Variants in WWOX observed in about 807,000 individuals in gnomAD.
WWOX encodes WW domain-containing oxidoreductase.
In WWOX, 69 loss-of-function variants were observed where a neutral mutation model predicts 46.2. The observed-to-expected ratio is 1.49, with a 90% CI of 1.23 to 1.82. The LOEUF is 1.82. Ranked by LOEUF, WWOX falls within the 40% of genes most tolerant of loss-of-function variation. The pLI is 0.00. For synonymous variants in WWOX, 359 were observed against 202.6 expected (o/e 1.77, Z -6.56); for missense variants, 919 against 542.6 (o/e 1.69, Z -6.89).
chr16:78,548,447 C>T (rs570175610), intron 8 of WWOX, among the ~76,000 whole-genome samples: 1 of 152,084 alleles, frequency 6.6e-6, no homozygotes, highest in Non-Finnish European at 1.5e-5. Flanking sequence ...AATCTAAAGA[C>T]ATCCTATCCC....
At chr16:79,011,228 C>G (rs1211633078) in intron 8 of WWOX, among the ~76,000 whole-genome samples, 1 of 151,032 alleles carries the variant, frequency 6.6e-6, no homozygotes, top group Admixed American at 6.6e-5. Flanking sequence ...CCCTGAAATT[C>G]CTTAGCAGGC....
At chr16:78,660,169 G>T (rs890834586) in intron 8 of WWOX, among the ~76,000 whole-genome samples, 3 of 152,058 alleles carry the variant, frequency 2.0e-5, no homozygotes, top group Non-Finnish European at 4.4e-5. Context: ...GGACTGTGCT[G>T]CTTTTTTTGT....
At chr16:78,913,197 C>G (rs936255883) in intron 8 of WWOX, among the ~76,000 whole-genome samples, 1 of 151,984 alleles carries the variant, frequency 6.6e-6, no homozygotes, top group Non-Finnish European at 1.5e-5. Context: ...AGACCTCATC[C>G]TTGCAGGGAG....
intron 5 of WWOX, among the ~76,000 whole-genome samples, chr16:78,177,974 G>C (rs905948413): frequency 6.6e-6 from 1 of 152,184 alleles, no homozygotes; most frequent in African/African-American, 2.4e-5. Flanking sequence ...CCTGTTGTGA[G>C]GACCATTAAC....
At position 78,187,402 on chromosome 16, in the gene WWOX, G is replaced by A. The variant is rs117540413; in HGVS notation, c.516+23113G>A. Among the ~76,000 whole-genome samples, 987 of 152,252 alleles carry A rather than the reference G, an allele frequency of 6.5e-3. 4 individuals carry two copies. Among genetic ancestry groups the A allele is most frequent in the Middle Eastern group, 0.031 (9 of 294 alleles). On this transcript the variant is annotated intron_variant, in intron 5 of 8. Transcript: ENST00000566780. ...GACACAGGCAGATCACTTGAGGTCG[G>A]GAGTTCTAGACCAACATGGTGAAAA...
intron 8 of WWOX, among the ~76,000 whole-genome samples, chr16:79,129,559 A>G (rs2049832407): frequency 6.6e-6 from 1 of 151,918 alleles, no homozygotes; most frequent in African/African-American, 2.4e-5. Flanking sequence ...ATTTATGCTT[A>G]AATAATTAGG....
intron 8 of WWOX, among the ~76,000 whole-genome samples, chr16:78,624,039 CA>C (rs947984466): frequency 2.0e-5 from 3 of 152,190 alleles, no homozygotes; most frequent in African/African-American, 7.2e-5. Flanking sequence ...TAAGAACCCA[CA>C]GCATCTTGCA....
At chr16:79,123,257 G>C (rs2049677445) in intron 8 of WWOX, among the ~76,000 whole-genome samples, 1 of 152,150 alleles carries the variant, frequency 6.6e-6, no homozygotes, top group Non-Finnish European at 1.5e-5. Flanking sequence ...CCTCGGTGGG[G>C]ACAGGAGAGC....
intron 5 of WWOX, among the ~76,000 whole-genome samples, chr16:78,322,341 T>G (rs967203442): frequency 6.6e-6 from 1 of 152,182 alleles, no homozygotes; most frequent in African/African-American, 2.4e-5. Context: ...TGTAATGTAA[T>G]GCATTGTTAT....
At chr16:78,856,004 A>G (rs547219846) in intron 8 of WWOX, among the ~76,000 whole-genome samples, 1 of 152,350 alleles carries the variant, frequency 6.6e-6, no homozygotes, top group East Asian at 1.9e-4. Flanking sequence ...GGAGGTGACT[A>G]ACTTTATCTA....
At chr16:78,491,852 A>G (rs943121328) in intron 8 of WWOX, among the ~76,000 whole-genome samples, 2 of 152,190 alleles carry the variant, frequency 1.3e-5, no homozygotes, top group Admixed American at 1.3e-4. Context: ...CCAGTGGCCC[A>G]AGACTCCCCT....
intron 5 of WWOX, among the ~76,000 whole-genome samples, chr16:78,249,540 C>T (rs2037923057): frequency 6.6e-6 from 1 of 152,212 alleles, no homozygotes; most frequent in African/African-American, 2.4e-5. Context: ...TTTTCAGGAG[C>T]AGCCTGGGCT....
intron 8 of WWOX, among the ~76,000 whole-genome samples, chr16:79,076,926 G>T (rs1209646596): frequency 1.3e-5 from 2 of 152,210 alleles, no homozygotes; most frequent in African/African-American, 4.8e-5. Flanking sequence ...TGCTTACCCT[G>T]AGAGAAAGGT....
intron 8 of WWOX, among the ~76,000 whole-genome samples, chr16:78,475,734 T>C (rs1327876534): frequency 6.6e-6 from 1 of 152,180 alleles, no homozygotes; most frequent in African/African-American, 2.4e-5. Flanking sequence ...TAGCTGGGAT[T>C]ACAGGCATGT....
chr16:79,022,082 C>T (rs1450005851), intron 8 of WWOX, among the ~76,000 whole-genome samples: 3 of 152,180 alleles, frequency 2.0e-5, no homozygotes, highest in Non-Finnish European at 4.4e-5. Context: ...ATGCCAAGTA[C>T]CCTCTGGGCA....
intron 8 of WWOX, among the ~76,000 whole-genome samples, chr16:78,735,302 C>G (rs990286007): frequency 3.3e-5 from 5 of 150,062 alleles, no homozygotes; most frequent in Non-Finnish European, 7.4e-5. Context: ...GATCTTGAGA[C>G]TTTTTCTTAT....
chr16:78,982,134 T>C (rs1304012438), intron 8 of WWOX, among the ~76,000 whole-genome samples: 2 of 152,106 alleles, frequency 1.3e-5, no homozygotes, highest in African/African-American at 4.8e-5. Context: ...TTCTCCTTCA[T>C]TGCTCAGAGG....
chr16:78,635,088 A>G (rs2046536134), intron 8 of WWOX, among the ~76,000 whole-genome samples: 2 of 152,152 alleles, frequency 1.3e-5, no homozygotes, highest in South Asian at 4.1e-4. Context: ...AACCTTGCCC[A>G]ATGTGATTAC....
At chr16:78,510,033 G>A (rs930459854) in intron 8 of WWOX, among the ~76,000 whole-genome samples, 1 of 151,842 alleles carries the variant, frequency 6.6e-6, no homozygotes, top group African/African-American at 2.4e-5. Context: ...CTGCTCTCTG[G>A]CCTGGGCAAC....
Sources: allele counts gnomAD v4.1 joint callset (sites outside exome capture counted in the v4.1 genomes callset), GRCh38; gene constraint gnomAD v4.1.1; transcripts MANE v1.5; gene names NCBI Gene and HGNC (gene_info 2026-07-23, HGNC 2026-07-21).